Variants in MYOM1 observed in about 807,000 individuals in gnomAD.
The protein encoded by MYOM1 is myomesin-1.
MYOM1 carries 164 observed loss-of-function variants against 205.3 expected under a neutral mutation model. The ratio of observed to expected loss-of-function variants is 0.80; its 90% CI spans 0.70 to 0.91. The LOEUF is 0.91. Among genes scored for constraint, MYOM1 ranks in the 40% least tolerant of loss-of-function variants. The probability of loss-of-function intolerance (pLI) is 0.00; values close to 1 mark genes in which losing one functional copy is unlikely to be tolerated. For synonymous variants in MYOM1, 772 were observed against 789.4 expected (o/e 0.98, Z 0.37); for missense variants, 2,011 against 2,127.3 (o/e 0.95, Z 1.08).
At position 3,067,370 on chromosome 18, in the gene MYOM1, G is replaced by T. The variant is rs1182102016; in HGVS notation, c.4950C>A (p.Asn1650Lys). ...DSGKYGLVVK[N>K]KYGSETSDFT... ...AGTCGCTGGTCTCCGAGCCATACTT[G>T]TTCTTCACAACCAGCCCGTATTTGC... The change falls in exon 38 of 38, where the codon AAC becomes AAA. Residue 1650 changes from asparagine to lysine, a missense_variant. Asn to Lys is a moderately conservative substitution (Grantham distance 94, BLOSUM62 0). Transcript: ENST00000356443. 6.2e-7 allele frequency: 1 copy of T among 1,612,960 alleles called. No homozygotes were observed.
Position 3,155,035 on chromosome 18 carries a change from A to G in MYOM1, c.1555T>C (p.Leu519=). The G allele has an allele frequency of 6.2e-7, 1 of 1,613,500 alleles. No individual in the cohort carries two copies. Among genetic ancestry groups the G allele is most frequent in the Non-Finnish European group, 8.5e-7 (1 of 1,179,682 alleles). The change falls in exon 11 of 38, where the codon TTG becomes CTG. Residue 519 remains leucine (L), a synonymous_variant. Coordinates refer to ENST00000356443, the MANE Select transcript of MYOM1 (RefSeq NM_003803.4). The stretch of plus-strand genomic sequence containing the variant: ...ATGATATAATCTTTGTTGGCCTCCA[A>G]GCACTTCACATCCAAGGGAGCAGCT... The part of the protein sequence containing the change: ...APAAPLDVKC[L]EANKDYIIIS...
rs1410443441 is a variant in MYOM1, at chr18:3,090,822, T to C, written c.3865-20A>G. On this transcript the variant is annotated intron_variant, in intron 26 of 37. Transcript: ENST00000356443. ...ATATTTCTTCAGTGTGAAAAGAAAA[T>C]GACAGAGAAATCACTGAGGCATATA... is the stretch of plus-strand genomic sequence containing the variant. The C allele has an allele frequency of 6.2e-7, 1 of 1,613,274 alleles. No individual in the cohort carries two copies. The highest frequency in any genetic ancestry group is 8.5e-7 in the Non-Finnish European group (1 of 1,179,542).
chr18:3,164,436 A>C lies in MYOM1; in HGVS notation c.1343T>G (p.Val448Gly), dbSNP rs372285461. ...QPEIQWYRNG[V>G]PLSPSKWVQT... ...CACCCATTTTGATGGAGAAAGAGGT[A>C]CTCCTAGAAATATTTTAAAAGTAAG... Residue 448 changes from valine to glycine, a missense_variant, in exon 10 of 38, where the codon GTA (valine) becomes GGA (glycine). Val to Gly is a moderately radical substitution (Grantham distance 109, BLOSUM62 -3). Transcript: ENST00000356443. 7.4e-5 allele frequency: 118 copies of C among 1,587,686 alleles called. No individual in the cohort carries two copies. In the African/African-American group the frequency reaches 1.4e-3, roughly 19 times the overall value.
At chr18:3,123,248 T>C (rs2079723881) in intron 19 of MYOM1, among the ~76,000 whole-genome samples, 1 of 152,146 alleles carries the variant, frequency 6.6e-6, no homozygotes, top group East Asian at 1.9e-4. Flanking sequence ...ATGATATGAA[T>C]ATACATAGAC....
Position 3,164,340 on chromosome 18 carries a change from T to C in MYOM1, c.1439A>G (p.Tyr480Cys). The C allele has an allele frequency of 2.5e-6, 4 of 1,612,730 alleles. No individual in the cohort carries two copies. Among genetic ancestry groups the C allele is most frequent in the African/African-American group, 2.7e-5 (2 of 75,064 alleles). Residue 480 changes from tyrosine (Y) to cysteine (C), a missense_variant, in exon 10 of 38, where the codon TAT becomes TGT. Tyr to Cys is a radical substitution (Grantham distance 194, BLOSUM62 -2). Coordinates refer to ENST00000356443, the MANE Select transcript of MYOM1 (RefSeq NM_003803.4). The part of the protein sequence containing the change: ...SHLNKEDEGL[Y>C]TIRVRMGEYY... ...TTCTCCCATCCGTACACGGATTGTA[T>C]AGAGGCCTTCATCTTCTTTGTTGAG...
At position 3,122,183 on chromosome 18, in the gene MYOM1, T is replaced by TG. The variant is rs143655088; in HGVS notation, c.2992-2189_2992-2188insC. 3.0e-3 allele frequency among the ~76,000 whole-genome samples: 339 copies of TG among 113,772 alleles called. 3 individuals carry two copies. The highest frequency in any genetic ancestry group is 9.5e-3 in the African/African-American group (314 of 33,054). The allele number at this position is 113,772 out of a possible 152,430, so 74.6% of individuals were successfully genotyped here. A position where few individuals can be genotyped will look rare whatever the true frequency, so the allele number is the denominator to read the frequency against. The stretch of plus-strand genomic sequence containing the variant: ...GAAAGTACAAAATAAGATATTAGTT[T>TG]TTTTTTTTTTTTAAGTAATCAGTAA... On this transcript the variant is annotated intron_variant, in intron 19 of 37. Coordinates refer to ENST00000356443, the MANE Select transcript of MYOM1 (RefSeq NM_003803.4).
At chr18:3,094,650 TTTTTTC>T (rs961834822) in intron 25 of MYOM1, among the ~76,000 whole-genome samples, 8 of 151,730 alleles carry the variant, frequency 5.3e-5, no homozygotes, top group Non-Finnish European at 7.4e-5. Flanking sequence ...TTGGTTGGTG[TTTTTTC>T]TTTTTCTTTT....
intron 2 of MYOM1, among the ~76,000 whole-genome samples, chr18:3,205,305 GA>G (rs1355743211): frequency 6.6e-6 from 1 of 151,972 alleles, no homozygotes; most frequent in Non-Finnish European, 1.5e-5. Flanking sequence ...CAGAATATGA[GA>G]AAATATTTGC....
At chr18:3,239,333 T>C in the MYOM1 span, among the ~76,000 whole-genome samples, 1 of 151,948 alleles carries the variant, frequency 6.6e-6, no homozygotes, top group Non-Finnish European at 1.5e-5. Context: ...TGGGTAAATG[T>C]GGTGGGGGCT....
At chr18:3,221,232 C>CTGG (rs972731352), upstream of MYOM1, among the ~76,000 whole-genome samples, 7 of 152,084 alleles carry the variant, frequency 4.6e-5, no homozygotes, top group African/African-American at 1.7e-4. Flanking sequence ...GTTGCCCAGG[C>CTGG]TGGTCTCAAA....
chr18:3,216,105 TAA>T (rs1383136660), intron 1 of MYOM1, among the ~76,000 whole-genome samples: 2 of 152,020 alleles, frequency 1.3e-5, no homozygotes, highest in African/African-American at 2.4e-5. Flanking sequence ...CCATCTCTAC[TAA>T]AAATACAAAA....
chr18:3,241,442 T>G, the MYOM1 span, among the ~76,000 whole-genome samples: 3 of 152,200 alleles, frequency 2.0e-5, no homozygotes, highest in African/African-American at 7.2e-5. Flanking sequence ...CTTGGCAGCT[T>G]CCACATGGTG....
chr18:3,150,090 C>T (rs1168549276), intron 12 of MYOM1, among the ~76,000 whole-genome samples: 6 of 152,208 alleles, frequency 3.9e-5, no homozygotes, highest in African/African-American at 1.2e-4. Context: ...GATGGAGTCT[C>T]GCTCTGTCGC....
intron 5 of MYOM1, among the ~76,000 whole-genome samples, chr18:3,186,039 T>C (rs1351040276): frequency 1.3e-5 from 2 of 151,762 alleles, no homozygotes; most frequent in Non-Finnish European, 2.9e-5. Context: ...CTACTGAAAA[T>C]ACAAAAATCA....
intron 2 of MYOM1, among the ~76,000 whole-genome samples, chr18:3,211,264 T>C (rs562633992): frequency 2.0e-5 from 3 of 152,320 alleles, no homozygotes; most frequent in South Asian, 4.1e-4. Context: ...CCTTATTTCA[T>C]CCCAAGTCCT....
In MYOM1 at chr18:3,209,293, G is replaced by C. The variant is rs559211625; in HGVS notation, c.290+5641C>G. ...GAGGAACTCTGGGAGAAATCTGACG[G>C]AATTCAGAACTCAGCCATGACCAGT... On this transcript the variant is annotated intron_variant, in intron 2 of 37. Transcript: ENST00000356443. The surrounding 1 kb of genome is among the most constrained non-coding windows in gnomAD (Gnocchi z 4.0). Among the ~76,000 whole-genome samples the C allele has an allele frequency of 6.6e-6, 1 of 152,128 alleles. No homozygotes were observed. Among genetic ancestry groups the C allele is most frequent in the Non-Finnish European group, 1.5e-5 (1 of 68,028 alleles).
intron 27 of MYOM1, among the ~76,000 whole-genome samples, chr18:3,090,269 G>A (rs2079205459): frequency 6.7e-6 from 1 of 148,184 alleles, no homozygotes; most frequent in Admixed American, 6.8e-5. Context: ...CCCCAGGCTG[G>A]AGTGCAGTGG....
chr18:3,073,898 AT>A (rs1194407099), intron 36 of MYOM1, among the ~76,000 whole-genome samples: 1 of 152,184 alleles, frequency 6.6e-6, no homozygotes, highest in East Asian at 1.9e-4. Flanking sequence ...CGCTTAATAA[AT>A]TCTGCCTGCC....
At chr18:3,121,138 G>C (rs762976087) in intron 19 of MYOM1, among the ~76,000 whole-genome samples, 12 of 152,098 alleles carry the variant, frequency 7.9e-5, no homozygotes, top group Non-Finnish European at 1.8e-4. Flanking sequence ...ATGGAAGATA[G>C]AATGAGAACA....
Sources: allele counts gnomAD v4.1 joint callset (sites outside exome capture counted in the v4.1 genomes callset), GRCh38; gene constraint gnomAD v4.1.1; non-coding constraint Gnocchi (gnomAD v3.1); transcripts MANE v1.5; gene names NCBI Gene and HGNC (gene_info 2026-07-23, HGNC 2026-07-21).